CDH23: variants seen among roughly 807,000 people sequenced by gnomAD.
The protein encoded by CDH23 is cadherin-23.
Under a neutral mutation model 317.1 loss-of-function variants are expected in CDH23, and 189 were observed. The ratio of observed to expected loss-of-function variants is 0.60; its 90% CI spans 0.53 to 0.67. The LOEUF is 0.67. Among genes scored for constraint, CDH23 ranks in the 30% least tolerant of loss-of-function variants. The pLI is 0.00. For missense variants in CDH23, 4,401 were observed against 4,592.4 expected (o/e 0.96, Z 1.20); for synonymous variants, 1,839 against 1,876.8 (o/e 0.98, Z 0.52).
intron 7 of CDH23, among the ~76,000 whole-genome samples, chr10:71,570,185 C>T (rs1319271695): frequency 2.6e-5 from 4 of 152,178 alleles, no homozygotes; most frequent in Non-Finnish European, 5.9e-5. Flanking sequence ...GGAGCTCCCC[C>T]TGCTGGTTGG....
chr10:71,777,658 C>T (rs112585018), intron 38 of CDH23, 22 bp from the exon 39 acceptor site: 15 of 1,591,894 alleles, frequency 9.4e-6, no homozygotes, highest in African/African-American at 6.7e-5. Context: ...TGACCAAGGA[C>T]GTGACCCACT....
intron 38 of CDH23, chr10:71,742,136 G>A (rs78104771): frequency 0.034 from 19,647 of 580,550 alleles, 591 homozygotes; most frequent in East Asian, 0.1. Flanking sequence ...TTGGCCTCCC[G>A]AGTCTATAGC....
In CDH23 at chr10:71,810,085, T is replaced by G. The variant is rs761022066; in HGVS notation, c.8979+9T>G. 1.2e-6 allele frequency: 2 copies of G among 1,609,608 alleles called. No homozygotes were observed. The highest frequency in any genetic ancestry group is 1.7e-6 in the Non-Finnish European group (2 of 1,177,606). The stretch of plus-strand genomic sequence containing the variant: ...ATACTGACAATGTGCAGGTGCCTCA[T>G]GGGCCCACCCGGGGCCGGGGCAGTG... On this transcript the variant is annotated intron_variant, in intron 61 of 69. Coordinates refer to ENST00000224721, the MANE Select transcript of CDH23 (RefSeq NM_022124.6).
intron 3 of CDH23, among the ~76,000 whole-genome samples, chr10:71,479,985 C>T (rs1851985118): frequency 1.3e-5 from 2 of 152,200 alleles, no homozygotes; most frequent in African/African-American, 2.4e-5. Context: ...CTGCCTGCCA[C>T]GTGGTAATCC....
intron 49 of CDH23, 55 bp downstream of exon 49, chr10:71,797,275 G>A: frequency 8.0e-7 from 1 of 1,252,832 alleles, no homozygotes; most frequent in Non-Finnish European, 1.1e-6. Flanking sequence ...TCAGGGCAGG[G>A]GGCAGGTGGG....
intron 11 of CDH23, among the ~76,000 whole-genome samples, chr10:71,635,549 C>G (rs749135159): frequency 6.6e-6 from 1 of 151,810 alleles, no homozygotes; most frequent in South Asian, 2.1e-4. Flanking sequence ...TCTGTGCAGG[C>G]GTGTGTGGAA....
chr10:71,791,118 G>A lies in CDH23; in HGVS notation c.6050-14G>A, dbSNP rs1841238596. On this transcript the variant is annotated splice_polypyrimidine_tract_variant and intron_variant, in intron 46 of 69. Transcript: ENST00000224721. ...TTTCTGTGTGTTTCCCTGGCTGGCG[G>A]CACCGGGTGCCAGGTGTGGTGACCG... is the stretch of plus-strand genomic sequence containing the variant. 7 of 1,593,526 alleles carry A rather than the reference G, an allele frequency of 4.4e-6. No homozygotes were observed. The highest frequency in any genetic ancestry group is 2.3e-5 in the East Asian group (1 of 44,038).
At chr10:71,678,372 A>C (rs915651242) in intron 16 of CDH23, among the ~76,000 whole-genome samples, 1 of 152,176 alleles carries the variant, frequency 6.6e-6, no homozygotes, top group Non-Finnish European at 1.5e-5. Flanking sequence ...AGCCAGGTCT[A>C]GTCCCGGAAT....
At chr10:71,585,239 A>T (rs1033970358) in intron 9 of CDH23, among the ~76,000 whole-genome samples, 12 of 152,224 alleles carry the variant, frequency 7.9e-5, no homozygotes, top group African/African-American at 2.9e-4. Flanking sequence ...GTCTGAGTCT[A>T]GGTTTCTCGG....
chr10:71,420,233 A>G (rs1214913407), intron 1 of CDH23, among the ~76,000 whole-genome samples: 1 of 151,970 alleles, frequency 6.6e-6, no homozygotes, highest in Admixed American at 6.6e-5. Flanking sequence ...TTGGGCAGGC[A>G]ATAATAACAT....
intron 48 of CDH23, chr10:71,796,225 C>A: frequency 2.3e-6 from 1 of 428,822 alleles, no homozygotes; most frequent in Non-Finnish European, 3.1e-6. Flanking sequence ...GGAGGAGAAG[C>A]CACCAGGCCC....
At chr10:71,568,717 G>A (rs777152736) in intron 7 of CDH23, among the ~76,000 whole-genome samples, 6 of 152,244 alleles carry the variant, frequency 3.9e-5, no homozygotes, top group Non-Finnish European at 7.4e-5. Flanking sequence ...CTGGCATTGC[G>A]GGCAACAGTG....
At chr10:71,563,684 G>A (rs1401520187) in intron 6 of CDH23, among the ~76,000 whole-genome samples, 2 of 151,804 alleles carry the variant, frequency 1.3e-5, no homozygotes, top group African/African-American at 4.8e-5. Flanking sequence ...CTGTGTGTCT[G>A]GCCCAAGGAG....
chr10:71,785,795 G>T (rs1841090247), intron 44 of CDH23, 57 bp downstream of exon 44: 2 of 1,043,482 alleles, frequency 1.9e-6, no homozygotes, highest in Non-Finnish European at 2.9e-6. Context: ...CATGGAGAGA[G>T]AACACATCAC....
At chr10:71,414,741 G>A (rs925379664) in intron 1 of CDH23, among the ~76,000 whole-genome samples, 1 of 151,938 alleles carries the variant, frequency 6.6e-6, no homozygotes, top group East Asian at 1.9e-4. Context: ...TTCTTTTTCT[G>A]TTTGTTTTCT....
chr10:71,682,223 A>T (rs1406762879), intron 17 of CDH23, among the ~76,000 whole-genome samples: 1 of 152,198 alleles, frequency 6.6e-6, no homozygotes, highest in Non-Finnish European at 1.5e-5. Flanking sequence ...TGGGGCTTAC[A>T]TTACCACCAG....
chr10:71,706,806 C>A, intron 25 of CDH23, 91 bp from the exon 26 acceptor site: 1 of 1,499,110 alleles, frequency 6.7e-7, no homozygotes, highest in Non-Finnish European at 8.9e-7. Flanking sequence ...AATTCATTCC[C>A]TACTTGGTCT....
intron 48 of CDH23, chr10:71,796,800 G>C: frequency 3.4e-6 from 1 of 294,664 alleles, no homozygotes; most frequent in Non-Finnish European, 6.6e-6. Flanking sequence ...GTAGGGTATT[G>C]AGAAAAGGAT....
chr10:71,614,451 G>A (rs144151453), intron 9 of CDH23, among the ~76,000 whole-genome samples: 118 of 152,356 alleles, frequency 7.7e-4, no homozygotes, highest in Middle Eastern at 3.4e-3. Context: ...TATAGGCAAG[G>A]TGGGGGCCCA....
Sources: gnomAD v4.1 joint callset for allele counts (sites outside exome capture counted in the v4.1 genomes callset) on GRCh38, gnomAD v4.1.1 for gene constraint, MANE v1.5 for transcripts, NCBI Gene and HGNC (gene_info 2026-07-23, HGNC 2026-07-21) for gene names.